Variants in IL10RB observed in about 807,000 individuals in gnomAD.
The protein encoded by IL10RB is interleukin 10 receptor subunit beta, also known as interleukin-10 receptor subunit beta.
IL10RB carries 30 observed loss-of-function variants against 38.7 expected under a neutral mutation model. The observed-to-expected ratio is 0.78, with a 90% CI of 0.58 to 1.05. IL10RB has a LOEUF of 1.05. Ranked by LOEUF, IL10RB falls within the 50% of genes least tolerant of loss-of-function variation. The pLI, the probability that IL10RB is intolerant of heterozygous loss-of-function variation, is 0.00. For missense variants in IL10RB, 328 were observed against 397.1 expected (o/e 0.83, Z 1.48); for synonymous variants, 142 against 145.9 (o/e 0.97, Z 0.19).
In IL10RB at chr21:33,279,744, C is replaced by G. The variant is rs2123578902; in HGVS notation, c.332-8C>G. 3 of 1,612,760 alleles carry G rather than the reference C, an allele frequency of 1.9e-6. No individual in the cohort carries two copies. The East Asian group carries it at 6.7e-5, about 36-fold the overall frequency. ...TTTGATTGTCATTTTGCTTGTTCTT[C>G]TGCTTAGCCATTATTGGACCCCCTG... On this transcript the variant is annotated splice_polypyrimidine_tract_variant and splice_region_variant and intron_variant, in intron 3 of 6. Transcript: ENST00000290200.
At chr21:33,304,938 T>C (rs1055031560) in intron 1 of IL10RB, among the ~76,000 whole-genome samples, 2 of 152,126 alleles carry the variant, frequency 1.3e-5, no homozygotes, top group African/African-American at 2.4e-5. Context: ...ATCGTAAGAC[T>C]AAGGACACAA....
At chr21:33,303,544 G>T (rs899656282) in intron 1 of IL10RB, among the ~76,000 whole-genome samples, 1 of 151,958 alleles carries the variant, frequency 6.6e-6, no homozygotes, top group African/African-American at 2.4e-5. Context: ...TAGTAGAGAC[G>T]GGGTTTCACT....
At chr21:33,293,570 C>T (rs1204473584) in intron 6 of IL10RB, among the ~76,000 whole-genome samples, 1 of 152,190 alleles carries the variant, frequency 6.6e-6, no homozygotes, top group Non-Finnish European at 1.5e-5. Context: ...CCTATAATCC[C>T]AGCACTTTGG....
Position 33,283,260 on chromosome 21 carries a change from C to A in IL10RB, c.646+19C>A, listed in dbSNP as rs75303005. 2,187 of 1,612,112 alleles carry A rather than the reference C, an allele frequency of 1.4e-3. 43 individuals carry two copies. In the East Asian group the frequency reaches 0.045, roughly 33 times the overall value. ...CATGACGGTAAGCCCTGAGATGCACCTCCGCTAAGCATCCTAAACAGCTTT... is the reference window on the plus strand; with the variant it reads ...CATGACGGTAAGCCCTGAGATGCACATCCGCTAAGCATCCTAAACAGCTTT... On this transcript the variant is annotated intron_variant, in intron 5 of 6. Transcript: ENST00000290200.
At chr21:33,276,496 C>T in intron 2 of IL10RB, 100 bp from the exon 3 acceptor site, 1 of 886,590 alleles carries the variant, frequency 1.1e-6, no homozygotes, top group Non-Finnish European at 1.9e-6. Context: ...AACACAGTTT[C>T]CACTCCCGCG....
rs1988945494 is a variant in IL10RB, at chr21:33,266,500, G to A, written c.35G>A (p.Cys12Tyr). The A allele has an allele frequency of 2.6e-6, 4 of 1,542,936 alleles. No homozygotes were observed. The highest frequency in any genetic ancestry group is 1.4e-5 in the African/African-American group (1 of 73,208). Residue 12 changes from cysteine to tyrosine, a missense_variant, in exon 1 of 7, where the codon TGC (cysteine) becomes TAC (tyrosine). Coordinates refer to ENST00000290200, the MANE Select transcript of IL10RB (RefSeq NM_000628.5). Reference sequence around the variant, plus strand: ...AGCCTTGGGAGCTGGCTGGGTGGCTGCCTGCTGGTGTCAGGTGAGGGGTCC... The same window carrying A: ...AGCCTTGGGAGCTGGCTGGGTGGCTACCTGCTGGTGTCAGGTGAGGGGTCC... ...AWSLGSWLGG[C>Y]LLVSALGMVP...
At chr21:33,275,966 T>A (rs528052120) in intron 2 of IL10RB, among the ~76,000 whole-genome samples, 1 of 152,214 alleles carries the variant, frequency 6.6e-6, no homozygotes. Flanking sequence ...ATAATCATGA[T>A]GAAAAGTTTT....
chr21:33,277,070 A>G (rs1989185005), intron 3 of IL10RB, among the ~76,000 whole-genome samples: 1 of 152,142 alleles, frequency 6.6e-6, no homozygotes, highest in Non-Finnish European at 1.5e-5. Flanking sequence ...TTCTGGGAGA[A>G]AGTCAGTATG....
intron 3 of IL10RB, among the ~76,000 whole-genome samples, chr21:33,278,916 T>C (rs1362011945): frequency 6.6e-6 from 1 of 152,186 alleles, no homozygotes; most frequent in Non-Finnish European, 1.5e-5. Flanking sequence ...AACACCATGA[T>C]TGCCTGGAAC....
At chr21:33,295,773 C>T (rs867276590) in intron 6 of IL10RB, among the ~76,000 whole-genome samples, 8 of 151,114 alleles carry the variant, frequency 5.3e-5, no homozygotes, top group Middle Eastern at 3.5e-3. Flanking sequence ...TGCCAGAGGC[C>T]GTGGCTCACG....
chr21:33,304,482 G>A (rs975644760), intron 1 of IL10RB, among the ~76,000 whole-genome samples: 2 of 152,174 alleles, frequency 1.3e-5, no homozygotes, highest in African/African-American at 4.8e-5. Flanking sequence ...ATTACACACC[G>A]TCCCTCAAGG....
At chr21:33,289,645 G>A (rs1989446119) in intron 6 of IL10RB, among the ~76,000 whole-genome samples, 1 of 152,122 alleles carries the variant, frequency 6.6e-6, no homozygotes. Context: ...TGACTCTGGC[G>A]GGTACCCACT....
chr21:33,286,291 C>G (rs1989373673), intron 5 of IL10RB, among the ~76,000 whole-genome samples: 1 of 152,144 alleles, frequency 6.6e-6, no homozygotes, highest in Non-Finnish European at 1.5e-5. Flanking sequence ...TCCCTGTGTC[C>G]CTTTAAAACG....
rs114654848 is a variant in IL10RB, at chr21:33,305,477, G to T, written c.130-3499G>T. On this transcript the variant is annotated intron_variant, in intron 1 of 1. Coordinates refer to the IL10RB transcript ENST00000609556. ...AGGTCACTCTCACTTCCTAGGTCAT[G>T]ACCTATCAATAGGTCAGAGTCCTAA... Among the ~76,000 whole-genome samples the T allele has an allele frequency of 2.0e-3, 301 of 152,234 alleles. 1 individual carries two copies. Among genetic ancestry groups the T allele is most frequent in the African/African-American group, 6.8e-3 (283 of 41,548 alleles).
Position 33,268,413 on chromosome 21 carries a change from T to C in IL10RB, c.69T>C (p.Pro23=). ...LLVSALGMVP[P]PENVRMNSVN... ...TCATAGCATTGGGAATGGTACCACC[T>C]CCCGAAAATGTCAGAATGAATTCTG... is the stretch of plus-strand genomic sequence containing the variant. Residue 23 remains proline (P), a synonymous_variant, in exon 2 of 7, where the codon CCT becomes CCC. Coordinates refer to ENST00000290200, the MANE Select transcript of IL10RB (RefSeq NM_000628.5). 1 of 1,613,896 alleles carries C rather than the reference T, an allele frequency of 6.2e-7. No individual in the cohort carries two copies. Among genetic ancestry groups the C allele is most frequent in the Non-Finnish European group, 8.5e-7 (1 of 1,179,728 alleles).
intron 2 of IL10RB, among the ~76,000 whole-genome samples, chr21:33,271,930 A>AT (rs8178456): frequency 0.029 from 4,342 of 149,052 alleles, 228 homozygotes; most frequent in African/African-American, 0.1. Context: ...TGTCTCTACA[A>AT]TTTTTTTTTT....
intron 2 of IL10RB, among the ~76,000 whole-genome samples, chr21:33,273,538 G>T (rs1318855931): frequency 1.3e-5 from 2 of 152,194 alleles, no homozygotes; most frequent in Non-Finnish European, 2.9e-5. Flanking sequence ...CAGGGTAGTG[G>T]TTGCTGAGTT....
chr21:33,291,289 G>A lies in IL10RB; in HGVS notation c.804+3028G>A, dbSNP rs569320340. Among the ~76,000 whole-genome samples the A allele has an allele frequency of 2.0e-5, 3 of 151,096 alleles. No individual in the cohort carries two copies. In the East Asian group the frequency reaches 5.8e-4, roughly 29 times the overall value. On this transcript the variant is annotated intron_variant, in intron 6 of 6. Transcript: ENST00000290200. ...ATGAATTTCTTTTTTTTTTGGAGAC[G>A]GAGTCTCACTCTGTCACCCAGGCTG...
downstream of IL10RB, among the ~76,000 whole-genome samples, chr21:33,297,407 C>T (rs1408259424): frequency 6.7e-6 from 1 of 150,244 alleles, no homozygotes; most frequent in Non-Finnish European, 1.5e-5. Context: ...ACTAGAATTG[C>T]AGTCAAGGGC....
Sources: gnomAD v4.1 joint callset for allele counts (sites outside exome capture counted in the v4.1 genomes callset) on GRCh38, gnomAD v4.1.1 for gene constraint, MANE v1.5 for transcripts, NCBI Gene and HGNC (gene_info 2026-07-23, HGNC 2026-07-21) for gene names.